Variants in PPFIBP2 observed in about 807,000 individuals in gnomAD.
PPFIBP2 encodes PPFIB scaffold protein 2.
PPFIBP2 carries 118 observed loss-of-function variants against 118.3 expected under a neutral mutation model. The ratio of observed to expected loss-of-function variants is 1.00; its 90% CI spans 0.86 to 1.16. The LOEUF is 1.16. Ranked by LOEUF, PPFIBP2 falls within the 50% of genes most tolerant of loss-of-function variation. The pLI, the probability that PPFIBP2 is intolerant of heterozygous loss-of-function variation, is 0.00. For synonymous variants in PPFIBP2, 414 were observed against 397.4 expected (o/e 1.04, Z -0.50); for missense variants, 1,195 against 1,073.1 (o/e 1.11, Z -1.59).
At chr11:7,617,747 T>G (rs946846151) in intron 6 of PPFIBP2, among the ~76,000 whole-genome samples, 4 of 152,144 alleles carry the variant, frequency 2.6e-5, no homozygotes, top group Non-Finnish European at 5.9e-5. Flanking sequence ...TCAAAGAGGT[T>G]TACCCCCAGT....
intron 1 of PPFIBP2, among the ~76,000 whole-genome samples, chr11:7,540,900 A>G (rs977186804): frequency 1.3e-5 from 2 of 152,180 alleles, no homozygotes; most frequent in Non-Finnish European, 2.9e-5. Flanking sequence ...CAGTGCAGAC[A>G]GCCAATTAAC....
At chr11:7,665,562 T>C in the PPFIBP2 span, 6 of 1,589,868 alleles carry the variant, frequency 3.8e-6, no homozygotes, top group Non-Finnish European at 5.1e-6. Context: ...ATGAAGGAGA[T>C]GCAGGAGCAA....
intron 7 of PPFIBP2, among the ~76,000 whole-genome samples, chr11:7,623,040 T>C (rs1246567420): frequency 6.6e-6 from 1 of 152,168 alleles, no homozygotes; most frequent in East Asian, 1.9e-4. Flanking sequence ...GAGGTATATG[T>C]TTTTTTATTC....
chr11:7,606,184 C>T lies in PPFIBP2; in HGVS notation c.487-4107C>T, dbSNP rs115300763. 3.2e-3 allele frequency among the ~76,000 whole-genome samples: 484 copies of T among 152,206 alleles called. 3 individuals carry two copies. Among genetic ancestry groups the T allele is most frequent in the African/African-American group, 0.011 (466 of 41,492 alleles). ...TTGGAAGCAGCCCTGGAATAGGGAGCACAGTGTTCTATAAGTTGGGTTGGT... is the reference window on the plus strand; with the variant it reads ...TTGGAAGCAGCCCTGGAATAGGGAGTACAGTGTTCTATAAGTTGGGTTGGT... On this transcript the variant is annotated intron_variant, in intron 5 of 23. Transcript: ENST00000299492.
rs751195940 is a variant in PPFIBP2 at position 7,653,045 on chromosome 11, C to G, written c.2458C>G (p.His820Asp). The change falls in exon 24 of 24, where the codon CAC (histidine) becomes GAC (aspartate). Residue 820 changes from histidine (H) to aspartate (D), a missense_variant. His to Asp is a moderately conservative substitution (Grantham distance 81). Transcript: ENST00000299492. ...KVRPRKLGFS[H>D]FGNIRKKKFD... ...TTAGCCAAGGAAACTAGGATTTTCA[C>G]ACTTCGGAAACATAAGAAAAAAGAA... 1.9e-6 allele frequency: 3 copies of G among 1,610,636 alleles called. No individual in the cohort carries two copies. Among genetic ancestry groups the G allele is most frequent in the Admixed American group, 1.7e-5 (1 of 59,608 alleles).
intron 10 of PPFIBP2, among the ~76,000 whole-genome samples, chr11:7,630,642 A>G (rs539564808): frequency 1.3e-5 from 2 of 152,310 alleles, no homozygotes; most frequent in South Asian, 4.1e-4. Flanking sequence ...TCATGGGTCA[A>G]GTCACTCTCA....
At chr11:7,534,893 C>A (rs1188312914) in intron 1 of PPFIBP2, among the ~76,000 whole-genome samples, 1 of 152,252 alleles carries the variant, frequency 6.6e-6, no homozygotes, top group East Asian at 1.9e-4. Context: ...ATTACAGCAT[C>A]ATCCGCAGGT....
intron 1 of PPFIBP2, among the ~76,000 whole-genome samples, chr11:7,541,823 C>T (rs1337491872): frequency 6.6e-6 from 1 of 152,162 alleles, no homozygotes; most frequent in African/African-American, 2.4e-5. Context: ...AGACACCCCA[C>T]ATTGTTGCTC....
chr11:7,662,093 CTT>C (rs747556812), downstream of PPFIBP2, among the ~76,000 whole-genome samples: 4 of 148,468 alleles, frequency 2.7e-5, no homozygotes, highest in Non-Finnish European at 6.0e-5. Flanking sequence ...GGTCTTGACT[CTT>C]TATCCAGTTT....
intron 2 of PPFIBP2, among the ~76,000 whole-genome samples, chr11:7,562,964 T>TACACACACAC (rs1854500580): frequency 1.6e-5 from 1 of 62,834 alleles, no homozygotes; most frequent in African/African-American, 7.6e-5. Flanking sequence ...TATATATATA[T>TACACACACAC]ATATATATAT....
intron 2 of PPFIBP2, among the ~76,000 whole-genome samples, chr11:7,553,846 C>T (rs1853273700): frequency 2.0e-5 from 3 of 152,016 alleles, no homozygotes; most frequent in African/African-American, 7.3e-5. Flanking sequence ...CCTTTTATTC[C>T]TGGGCTGGTT....
intron 17 of PPFIBP2, among the ~76,000 whole-genome samples, chr11:7,643,176 A>G (rs4130498): frequency 0.062 from 9,386 of 152,272 alleles, 807 homozygotes; most frequent in African/African-American, 0.19. Context: ...ATATTCAATA[A>G]TTAGATATTC....
chr11:7,634,349 T>A lies in PPFIBP2; in HGVS notation c.1137-146T>A, dbSNP rs114698663. 2.9e-3 allele frequency: 1,918 copies of A among 651,170 alleles called. 25 individuals are homozygous for A. The highest frequency in any genetic ancestry group is 0.029 in the African/African-American group (1,593 of 55,096). The allele number at this position is 651,170 out of a possible 1,614,324, so 40.3% of individuals were successfully genotyped here. ...AGGTGGGCCAGTCTCATTTTGTATG[T>A]AAAGGCTATTATGAGAGGGTATTTT... On this transcript the variant is annotated intron_variant, in intron 12 of 23. Transcript: ENST00000299492.
chr11:7,618,904 T>G (rs980156208), intron 6 of PPFIBP2, among the ~76,000 whole-genome samples: 5 of 113,026 alleles, frequency 4.4e-5, no homozygotes, highest in African/African-American at 1.5e-4. Flanking sequence ...TTTTTTTTTT[T>G]GTCTTGTTTT....
At chr11:7,597,909 T>C (rs1329743947) in intron 5 of PPFIBP2, 1 of 453,306 alleles carries the variant, frequency 2.2e-6, no homozygotes, top group Non-Finnish European at 4.0e-6. Context: ...GCTGAGCTGG[T>C]TAGACAGATT....
At chr11:7,641,032 G>A in intron 15 of PPFIBP2, 1 of 1,281,362 alleles carries the variant, frequency 7.8e-7, no homozygotes, top group South Asian at 1.2e-5. Context: ...GTTCACTGGA[G>A]ATCGTGGCCG....
At chr11:7,649,781 G>C in intron 21 of PPFIBP2, 127 bp downstream of exon 21, 1 of 1,386,240 alleles carries the variant, frequency 7.2e-7, no homozygotes, top group East Asian at 2.3e-5. Context: ...GGATTCTTTT[G>C]TTTGCTTGTG....
the PPFIBP2 span, chr11:7,665,625 C>G: frequency 1.4e-6 from 2 of 1,443,570 alleles, no homozygotes; most frequent in Non-Finnish European, 1.9e-6. Context: ...CACACCCACC[C>G]TCAGCCAGGG....
At chr11:7,664,254 C>T in the PPFIBP2 span, among the ~76,000 whole-genome samples, 5 of 152,180 alleles carry the variant, frequency 3.3e-5, no homozygotes, top group East Asian at 1.9e-4. Context: ...AATTTGGAAA[C>T]ATGAATCATA....
Sources: allele counts gnomAD v4.1 joint callset (sites outside exome capture counted in the v4.1 genomes callset), GRCh38; gene constraint gnomAD v4.1.1; transcripts MANE v1.5; gene names NCBI Gene and HGNC (gene_info 2026-07-23, HGNC 2026-07-21).